Variants in CFAP43 observed in about 807,000 individuals in gnomAD.
CFAP43 encodes cilia- and flagella-associated protein 43.
CFAP43 carries 155 observed loss-of-function variants against 218.9 expected under a neutral mutation model. The observed-to-expected ratio is 0.71, with a 90% CI of 0.62 to 0.81. CFAP43 has a LOEUF of 0.81. CFAP43 is among the 30% of genes least tolerant of loss of function. CFAP43 has a pLI of 0.00. For synonymous variants in CFAP43, 645 were observed against 681.3 expected, an observed-to-expected ratio of 0.95 and a Z score of 0.83; for missense variants, 1,778 against 1,954.3, an observed-to-expected ratio of 0.91 and a Z score of 1.70.
chr10:104,140,752 G>T, intron 34 of CFAP43, 90 bp downstream of exon 34: 1 of 1,051,306 alleles, frequency 9.5e-7, no homozygotes, highest in Non-Finnish European at 1.3e-6. Context: ...AAGGGTTAAG[G>T]CTGCAGTGAG....
intron 26 of CFAP43, among the ~76,000 whole-genome samples, chr10:104,161,389 A>G (rs147059182): frequency 6.6e-6 from 1 of 152,296 alleles, no homozygotes; most frequent in East Asian, 1.9e-4. Flanking sequence ...CTCTTAGGTG[A>G]TAGACTCAGA....
At chr10:104,225,002 G>A (rs957867008) in intron 3 of CFAP43, among the ~76,000 whole-genome samples, 3 of 152,048 alleles carry the variant, frequency 2.0e-5, no homozygotes, top group Admixed American at 6.6e-5. Flanking sequence ...CTTAACCACA[G>A]GATTTCCCAT....
intron 11 of CFAP43, chr10:104,193,649 A>T: frequency 2.0e-6 from 1 of 511,074 alleles, no homozygotes; most frequent in Non-Finnish European, 3.4e-6. Context: ...AGACATGAGA[A>T]ATTGGTACCA....
At chr10:104,156,462 T>G (rs1431446530) in intron 27 of CFAP43, among the ~76,000 whole-genome samples, 1 of 152,194 alleles carries the variant, frequency 6.6e-6, no homozygotes, top group African/African-American at 2.4e-5. Flanking sequence ...ATATTCAGTA[T>G]CACAATGGTT....
chr10:104,192,052 A>T, intron 12 of CFAP43, 147 bp downstream of exon 12: 1 of 611,526 alleles, frequency 1.6e-6, no homozygotes, highest in Non-Finnish European at 2.8e-6. Flanking sequence ...GAATTCTCCT[A>T]AGTAACTTTA....
Position 104,230,729 on chromosome 10 carries a change from T to C in CFAP43, c.180A>G (p.Val60=), listed in dbSNP as rs1407229702. Reference sequence around the variant, plus strand: ...CCACAATTCCATTACTACACTGCAGTACAGTCTTTTTCTTGGTTTCAATAT... The same window carrying C: ...CCACAATTCCATTACTACACTGCAGCACAGTCTTTTTCTTGGTTTCAATAT... ...FINIETKKKT[V]LQCSNGIVGV... Residue 60 remains valine (V), a synonymous_variant, in exon 2 of 38, where the codon GTA becomes GTG. Coordinates refer to ENST00000357060, the MANE Select transcript of CFAP43 (RefSeq NM_025145.7). 6.2e-7 allele frequency: 1 copy of C among 1,613,888 alleles called. No homozygotes were observed. The highest frequency in any genetic ancestry group is 1.3e-5 in the African/African-American group (1 of 75,012).
At chr10:104,189,450 G>C (rs1375144900) in intron 12 of CFAP43, among the ~76,000 whole-genome samples, 1 of 152,100 alleles carries the variant, frequency 6.6e-6, no homozygotes, top group African/African-American at 2.4e-5. Context: ...CTCTCTCAGG[G>C]ATCACCTGCT....
At chr10:104,161,631 G>C (rs925362365) in intron 26 of CFAP43, among the ~76,000 whole-genome samples, 3 of 152,090 alleles carry the variant, frequency 2.0e-5, no homozygotes, top group African/African-American at 7.2e-5. Flanking sequence ...GTCTAACGTG[G>C]TATGTTTTTG....
At chr10:104,202,953 TAAATA>T (rs1323676647) in intron 8 of CFAP43, among the ~76,000 whole-genome samples, 1 of 152,218 alleles carries the variant, frequency 6.6e-6, no homozygotes, top group African/African-American at 2.4e-5. Context: ...TCTAACAATA[TAAATA>T]TCTGCTAATC....
rs34684487 is a variant in CFAP43 at position 104,184,462 on chromosome 10, C to CT, written c.2141+553dup. On this transcript the variant is annotated intron_variant, in intron 16 of 37. Coordinates refer to ENST00000357060, the MANE Select transcript of CFAP43 (RefSeq NM_025145.7). ...ACTCTCAGATAAATATTAACTATGT[C>CT]TTTTTTTTTTTTTTTGTATTTTGAT... Among the ~76,000 whole-genome samples, 1,015 of 142,068 alleles carry CT rather than the reference C, an allele frequency of 7.1e-3. 11 individuals carry two copies. The highest frequency in any genetic ancestry group is 0.014 in the African/African-American group (556 of 38,564). The allele number at this position is 142,068 out of a possible 152,430, so 93.2% of individuals were successfully genotyped here. A position where few individuals can be genotyped will look rare whatever the true frequency, so the allele number is the denominator to read the frequency against.
At chr10:104,197,113 C>A (rs2090402320) in intron 9 of CFAP43, among the ~76,000 whole-genome samples, 180 bp from the exon 10 acceptor site, 1 of 151,968 alleles carries the variant, frequency 6.6e-6, no homozygotes, top group African/African-American at 2.4e-5. Flanking sequence ...CAAATATTAA[C>A]TATTATCTTT....
chr10:104,180,293 AT>A (rs1295787559), intron 17 of CFAP43, among the ~76,000 whole-genome samples: 1 of 151,580 alleles, frequency 6.6e-6, no homozygotes, highest in Non-Finnish European at 1.5e-5. Context: ...ACTTAACACA[AT>A]TTTTTTTCAA....
rs2134836327 is a variant in CFAP43 at position 104,168,860 on chromosome 10, C to T, written c.2587-12G>A. 1.3e-6 allele frequency: 2 copies of T among 1,584,444 alleles called. No individual in the cohort carries two copies. The highest frequency in any genetic ancestry group is 1.1e-5 in the South Asian group (1 of 90,456). On this transcript the variant is annotated splice_polypyrimidine_tract_variant and intron_variant, in intron 20 of 37. Coordinates refer to ENST00000357060, the MANE Select transcript of CFAP43 (RefSeq NM_025145.7). The stretch of plus-strand genomic sequence containing the variant: ...ACATCCTTTATCATCTTGAAGAACA[C>T]AGACAAAGGGAAAAGATAAAAATGA...
intron 7 of CFAP43, 96 bp from the exon 8 acceptor site, chr10:104,203,899 C>T (rs538283815): frequency 1.7e-4 from 191 of 1,113,526 alleles, no homozygotes; most frequent in Middle Eastern, 1.2e-3. Flanking sequence ...ATTACTTCTA[C>T]TGCTTATTTG....
At chr10:104,181,772 T>G (rs966091459) in intron 17 of CFAP43, among the ~76,000 whole-genome samples, 11 of 152,236 alleles carry the variant, frequency 7.2e-5, no homozygotes, top group South Asian at 4.1e-4. Context: ...CTTAAATGTC[T>G]GCTTGGAGAG....
chr10:104,213,757 G>A (rs1479343958), intron 4 of CFAP43, among the ~76,000 whole-genome samples: 4 of 152,010 alleles, frequency 2.6e-5, no homozygotes, highest in Admixed American at 1.3e-4. Context: ...GGATGGTCTC[G>A]ATCTCCTGAC....
chr10:104,162,221 A>T (rs1447500434), intron 25 of CFAP43, 96 bp downstream of exon 25: 20 of 1,323,594 alleles, frequency 1.5e-5, no homozygotes, highest in Non-Finnish European at 3.3e-6. Context: ...ACCTCTGACC[A>T]CGACAAATGT....
chr10:104,172,565 C>G, intron 19 of CFAP43, 30 bp from the exon 20 acceptor site: 1 of 1,551,208 alleles, frequency 6.4e-7, no homozygotes. Flanking sequence ...AGAGTGCTGA[C>G]AAGTAAAGAA....
intron 3 of CFAP43, among the ~76,000 whole-genome samples, chr10:104,220,991 T>TGTGTG (rs1353303478): frequency 6.8e-6 from 1 of 146,306 alleles, no homozygotes; most frequent in African/African-American, 2.5e-5. Context: ...TGTGTGTGTG[T>TGTGTG]TTGAGACGGA....
Sources: allele counts gnomAD v4.1 joint callset (sites outside exome capture counted in the v4.1 genomes callset), GRCh38; gene constraint gnomAD v4.1.1; transcripts MANE v1.5; gene names NCBI Gene and HGNC (gene_info 2026-07-23, HGNC 2026-07-21).